ADAMTSL1: variants seen among roughly 807,000 people sequenced by gnomAD.
ADAMTSL1 encodes the protein ADAMTS like 1.
In ADAMTSL1, 126 loss-of-function variants were observed where a neutral mutation model predicts 201.8. That is an observed-to-expected ratio of 0.62 (90% CI 0.54 to 0.72). The LOEUF (loss-of-function observed/expected upper bound fraction) is 0.72, where lower values mean the gene tolerates loss of function less well. Ranked by LOEUF, ADAMTSL1 falls within the 30% of genes least tolerant of loss-of-function variation. The pLI, the probability that ADAMTSL1 is intolerant of heterozygous loss-of-function variation, is 0.00. For missense variants in ADAMTSL1, 2,679 were observed against 2,277.8 expected (o/e 1.18, Z -3.59); for synonymous variants, 1,121 against 903.4 (o/e 1.24, Z -4.32).
At chr9:18,441,392 G>C (rs953271780) in intron 2 of ADAMTSL1, among the ~76,000 whole-genome samples, 57 of 152,162 alleles carry the variant, frequency 3.7e-4, no homozygotes, top group African/African-American at 1.4e-3. Flanking sequence ...GGGAAATCCA[G>C]ACTACTGAGA....
At chr9:18,711,414 C>A (rs58179906) in intron 14 of ADAMTSL1, among the ~76,000 whole-genome samples, 1 of 149,756 alleles carries the variant, frequency 6.7e-6, no homozygotes, top group Non-Finnish European at 1.5e-5. Flanking sequence ...CGAAGCAGGG[C>A]GAGGCATTGC....
chr9:18,770,350 A>G (rs1409030837), intron 16 of ADAMTSL1, among the ~76,000 whole-genome samples: 1 of 152,170 alleles, frequency 6.6e-6, no homozygotes, highest in African/African-American at 2.4e-5. Context: ...CAACTTTCTA[A>G]GATTTAAAGG....
intron 2 of ADAMTSL1, among the ~76,000 whole-genome samples, chr9:18,176,164 T>C (rs1828145597): frequency 6.6e-6 from 1 of 152,150 alleles, no homozygotes; most frequent in Non-Finnish European, 1.5e-5. Context: ...TGCTGGAGAC[T>C]GAAACCCTCC....
At chr9:18,385,307 C>T (rs73643255) in intron 2 of ADAMTSL1, among the ~76,000 whole-genome samples, 3,595 of 152,152 alleles carry the variant, frequency 0.024, 162 homozygotes, top group African/African-American at 0.083. Context: ...CCCACATTAT[C>T]CTCCAAGATC....
intron 13 of ADAMTSL1, among the ~76,000 whole-genome samples, chr9:18,698,139 T>A (rs1831674975): frequency 6.6e-6 from 1 of 152,200 alleles, no homozygotes; most frequent in Admixed American, 6.5e-5. Context: ...ATTAAATTAA[T>A]GTTTACTTTT....
At chr9:18,173,141 C>T (rs1259304122) in intron 2 of ADAMTSL1, among the ~76,000 whole-genome samples, 5 of 152,024 alleles carry the variant, frequency 3.3e-5, no homozygotes, top group Non-Finnish European at 7.4e-5. Context: ...TTTCAGTGTG[C>T]TTTAATGACT....
At chr9:18,523,054 C>G (rs1313892931) in intron 2 of ADAMTSL1, among the ~76,000 whole-genome samples, 2 of 152,172 alleles carry the variant, frequency 1.3e-5, no homozygotes, top group African/African-American at 4.8e-5. Context: ...TACACTCCCA[C>G]CAATAGTGTA....
At chr9:18,268,663 C>G (rs16936492) in intron 2 of ADAMTSL1, among the ~76,000 whole-genome samples, 24,490 of 152,034 alleles carry the variant, frequency 0.16, 2,739 homozygotes, top group Admixed American at 0.38. Context: ...GTAGAGTCCT[C>G]TCTAAATCAT....
chr9:18,801,388 C>T (rs948447872), intron 20 of ADAMTSL1, among the ~76,000 whole-genome samples: 3 of 151,932 alleles, frequency 2.0e-5, no homozygotes, highest in Non-Finnish European at 2.9e-5. Context: ...CTTTTTTGAA[C>T]TTTTAGGTTC....
In ADAMTSL1 at chr9:18,618,231, A is replaced by G. The variant is rs1383787839; in HGVS notation, c.475-4012A>G. ...TCTTTGTGTGCACAGTTAAAAACAC[A>G]TGTACATATACATACCTACACACAT... On this transcript the variant is annotated intron_variant, in intron 4 of 28. Transcript: ENST00000380548. 2.6e-5 allele frequency among the ~76,000 whole-genome samples: 4 copies of G among 152,358 alleles called. No homozygotes were observed. In the East Asian group the frequency reaches 5.8e-4, roughly 22 times the overall value.
At chr9:18,163,930 C>T (rs1396501053) in exon 2 of ADAMTSL1, 3 of 152,008 alleles carry the variant, frequency 2.0e-5, no homozygotes, top group Non-Finnish European at 4.4e-5. Flanking sequence ...GAGAGAGCCT[C>T]CATGAAGATT....
chr9:18,460,630 T>C (rs1031528801), intron 2 of ADAMTSL1, among the ~76,000 whole-genome samples: 8 of 152,166 alleles, frequency 5.3e-5, no homozygotes, highest in Non-Finnish European at 1.0e-4. Flanking sequence ...TACATGCAGG[T>C]TTACACCAGG....
chr9:18,537,523 T>G (rs908328583), intron 3 of ADAMTSL1, among the ~76,000 whole-genome samples: 2 of 152,044 alleles, frequency 1.3e-5, no homozygotes, highest in Non-Finnish European at 2.9e-5. Context: ...AGGTGGGAGC[T>G]AGATCATGCA....
chr9:18,647,352 T>G (rs536052944), intron 7 of ADAMTSL1, among the ~76,000 whole-genome samples: 8 of 121,038 alleles, frequency 6.6e-5, no homozygotes, highest in African/African-American at 2.7e-4. Context: ...CTGGATTCAT[T>G]AATTTTTTGA....
At chr9:17,940,648 C>T (rs995133845) in intron 1 of ADAMTSL1, among the ~76,000 whole-genome samples, 24 of 146,296 alleles carry the variant, frequency 1.6e-4, no homozygotes, top group Non-Finnish European at 2.7e-4. Flanking sequence ...TTATAAATAA[C>T]GACTTGTCTT....
At chr9:18,688,704 A>ATATATATATATATATCTCTATATC (rs138160150) in intron 13 of ADAMTSL1, among the ~76,000 whole-genome samples, 1 of 72,488 alleles carries the variant, frequency 1.4e-5, no homozygotes, top group African/African-American at 5.6e-5. Flanking sequence ...ATATATATAT[A>ATATATATATATATATCTCTATATC]TATATGACTG....
At chr9:18,071,909 C>T (rs967643172) in intron 1 of ADAMTSL1, among the ~76,000 whole-genome samples, 2 of 152,208 alleles carry the variant, frequency 1.3e-5, no homozygotes, top group African/African-American at 2.4e-5. Flanking sequence ...CTTGCTAGAA[C>T]ATGATCCTCA....
chr9:18,614,220 T>G (rs116124877), intron 4 of ADAMTSL1, among the ~76,000 whole-genome samples: 2,071 of 152,278 alleles, frequency 0.014, 51 homozygotes, highest in African/African-American at 0.048. Flanking sequence ...GTCCTGGCTA[T>G]GACTGCTAAA....
At chr9:18,891,262 C>G (rs1176899471) in intron 25 of ADAMTSL1, among the ~76,000 whole-genome samples, 2 of 152,272 alleles carry the variant, frequency 1.3e-5, no homozygotes, top group Non-Finnish European at 2.9e-5. Context: ...TGCATGTGAA[C>G]AAGTGTTGCC....
Sources: gnomAD v4.1 joint callset for allele counts (sites outside exome capture counted in the v4.1 genomes callset) on GRCh38, gnomAD v4.1.1 for gene constraint, MANE v1.5 for transcripts, NCBI Gene and HGNC (gene_info 2026-07-23, HGNC 2026-07-21) for gene names.